MED12L: variants seen among roughly 807,000 people sequenced by gnomAD.
MED12L encodes the protein mediator of RNA polymerase II transcription subunit 12-like protein.
In MED12L, 60 loss-of-function variants were observed where a neutral mutation model predicts 281.3. The ratio of observed to expected loss-of-function variants is 0.21; its 90% CI spans 0.17 to 0.26. The LOEUF is 0.26. Ranked by LOEUF, MED12L falls within the 10% of genes least tolerant of loss-of-function variation. The pLI is 1.00. For synonymous variants in MED12L, 974 were observed against 987.2 expected (o/e 0.99, Z 0.25); for missense variants, 2,146 against 2,680.9 (o/e 0.80, Z 4.41).
At chr3:151,243,134 G>A (rs1023968992) in intron 16 of MED12L, among the ~76,000 whole-genome samples, 17 of 152,082 alleles carry the variant, frequency 1.1e-4, no homozygotes, top group Non-Finnish European at 2.2e-4. Flanking sequence ...CCAAATCTAT[G>A]TCTGCTTGGT....
chr3:151,285,576 TA>T (rs1328759496), intron 16 of MED12L, among the ~76,000 whole-genome samples: 1 of 151,634 alleles, frequency 6.6e-6, no homozygotes, highest in Non-Finnish European at 1.5e-5. Context: ...ACACATTGGG[TA>T]CATTGTACAC....
intron 16 of MED12L, among the ~76,000 whole-genome samples, chr3:151,342,748 A>T (rs971229335): frequency 1.3e-5 from 2 of 152,206 alleles, no homozygotes; most frequent in African/African-American, 4.8e-5. Context: ...TGTTATTTTT[A>T]AATATGACTA....
chr3:151,220,515 G>A (rs754855671), intron 16 of MED12L, among the ~76,000 whole-genome samples: 6 of 152,112 alleles, frequency 3.9e-5, no homozygotes, highest in East Asian at 1.9e-4. Context: ...TGTAGCTCCC[G>A]TAATACCCAC....
At chr3:151,297,517 C>T (rs950713336) in intron 16 of MED12L, among the ~76,000 whole-genome samples, 1 of 152,198 alleles carries the variant, frequency 6.6e-6, no homozygotes, top group African/African-American at 2.4e-5. Context: ...TCTTGAGGTG[C>T]TGGCTGTGCC....
At chr3:151,316,999 CTCGGGTTGGGGCCTACTAACTCA>C (rs1748340329) in intron 16 of MED12L, 1 of 152,044 alleles carries the variant, frequency 6.6e-6, no homozygotes, top group Admixed American at 6.6e-5. Flanking sequence ...GGGATGAAGT[CTCGGGTTGGGGCCTACTAACTCA>C]TCAGATCCAA....
chr3:151,219,928 A>G (rs921342729), intron 16 of MED12L, among the ~76,000 whole-genome samples: 5 of 124,202 alleles, frequency 4.0e-5, no homozygotes, highest in Non-Finnish European at 6.4e-5. Flanking sequence ...GATCGAATCA[A>G]TTTATCAAAT....
intron 16 of MED12L, chr3:151,329,589 T>G: frequency 1.6e-6 from 2 of 1,239,518 alleles, no homozygotes; most frequent in Non-Finnish European, 2.3e-6. Context: ...GTGGATTTCC[T>G]TCCTTATTTT....
At chr3:151,318,906 C>T (rs1434998351) in intron 16 of MED12L, among the ~76,000 whole-genome samples, 1 of 152,096 alleles carries the variant, frequency 6.6e-6, no homozygotes. Context: ...TAGGTGGCCC[C>T]CTTTTTCTCC....
chr3:151,200,726 G>T (rs1264781936), intron 16 of MED12L, among the ~76,000 whole-genome samples: 1 of 152,226 alleles, frequency 6.6e-6, no homozygotes, highest in African/African-American at 2.4e-5. Context: ...GCACGTTAGA[G>T]TCCATGAATA....
chr3:151,289,490 G>A (rs55705054), intron 16 of MED12L, among the ~76,000 whole-genome samples: 44,110 of 152,088 alleles, frequency 0.29, 6,531 homozygotes, highest in South Asian at 0.31. Flanking sequence ...GTAATTCATC[G>A]TTGGGTAATT....
chr3:151,212,399 A>C (rs1727316552), intron 16 of MED12L: 1 of 152,206 alleles, frequency 6.6e-6, no homozygotes, highest in African/African-American at 2.4e-5. Flanking sequence ...ATTTAAAAAA[A>C]TCAAGTTTAT....
rs3975402 is a variant in MED12L, at chr3:151,339,431, T to TAAAA, written c.2251-10618_2251-10615dup. Among the ~76,000 whole-genome samples, 1,346 of 145,826 alleles carry TAAAA rather than the reference T, an allele frequency of 9.2e-3. 21 individuals carry two copies. Among genetic ancestry groups the TAAAA allele is most frequent in the African/African-American group, 0.028 (1,105 of 39,514 alleles). On this transcript the variant is annotated intron_variant, in intron 16 of 44. Coordinates refer to ENST00000687756, the MANE Select transcript of MED12L (RefSeq NM_001393769.1). Reference sequence around the variant, plus strand: ...CTTATTAAATAAAATACTGAATCAGTAAAAAAAAAAAAAGCTGACCTTTTT... The same window carrying TAAAA: ...CTTATTAAATAAAATACTGAATCAGTAAAAAAAAAAAAAAAAAGCTGACCTTTTT...
chr3:151,157,371 G>A (rs892707382), intron 6 of MED12L, among the ~76,000 whole-genome samples: 13 of 151,872 alleles, frequency 8.6e-5, no homozygotes, highest in Admixed American at 5.2e-4. Flanking sequence ...ATTCATACAC[G>A]TGAAGACATG....
intron 16 of MED12L, chr3:151,198,486 C>A: frequency 6.2e-7 from 1 of 1,613,120 alleles, no homozygotes; most frequent in East Asian, 2.2e-5. Context: ...TTAGGTGAGG[C>A]AAAAGTCTCA....
chr3:151,308,188 CA>C (rs1278147188), intron 16 of MED12L, among the ~76,000 whole-genome samples: 2 of 151,956 alleles, frequency 1.3e-5, no homozygotes, highest in Admixed American at 6.6e-5. Context: ...TTTTCTTAAA[CA>C]GAAAATAAAA....
At chr3:151,353,572 C>T (rs958424214) in intron 17 of MED12L, among the ~76,000 whole-genome samples, 1 of 152,200 alleles carries the variant, frequency 6.6e-6, no homozygotes, top group African/African-American at 2.4e-5. Flanking sequence ...TAGAAAAGAA[C>T]CAGCCTTGTG....
intron 5 of MED12L, among the ~76,000 whole-genome samples, chr3:151,151,350 T>TTAATTTCCTTTGAGATC (rs1434573271): frequency 6.6e-6 from 1 of 152,000 alleles, no homozygotes; most frequent in African/African-American, 2.4e-5. Flanking sequence ...AGTAGCATTT[T>TTAATTTCCTTTGAGATC]TAATTTCCTT....
intron 16 of MED12L, among the ~76,000 whole-genome samples, chr3:151,220,485 T>A (rs567191115): frequency 4.1e-4 from 63 of 152,268 alleles, no homozygotes; most frequent in African/African-American, 1.4e-3. Flanking sequence ...TGGCTCTGTG[T>A]CCCCACCAAA....
chr3:151,250,791 A>C (rs1736704743), intron 16 of MED12L, among the ~76,000 whole-genome samples: 1 of 152,200 alleles, frequency 6.6e-6, no homozygotes, highest in South Asian at 2.1e-4. Flanking sequence ...CCCAGAAGCA[A>C]AATTGCTGGA....
Sources: allele counts gnomAD v4.1 joint callset (sites outside exome capture counted in the v4.1 genomes callset), GRCh38; gene constraint gnomAD v4.1.1; transcripts MANE v1.5; gene names NCBI Gene and HGNC (gene_info 2026-07-23, HGNC 2026-07-21).